Variants in ATG13 observed in about 807,000 individuals in gnomAD.
ATG13 encodes autophagy-related protein 13.
ATG13 carries 23 observed loss-of-function variants against 65.5 expected under a neutral mutation model. That is an observed-to-expected ratio of 0.35 (90% confidence interval 0.25 to 0.50). The LOEUF is 0.50. ATG13 is among the 20% of genes least tolerant of loss of function. ATG13 has a pLI of 0.98. For synonymous variants in ATG13, 252 were observed against 245.2 expected (o/e 1.03, Z -0.26); for missense variants, 566 against 677.0 (o/e 0.84, Z 1.82).
chr11:46,623,879 T>C (rs1318591927), intron 1 of ATG13, among the ~76,000 whole-genome samples: 1 of 152,156 alleles, frequency 6.6e-6, no homozygotes, highest in Admixed American at 6.6e-5. Flanking sequence ...TCCTATATAT[T>C]GTATAACTAT....
chr11:46,649,024 T>C (rs2058347448), intron 5 of ATG13, 113 bp from the exon 6 acceptor site: 2 of 820,786 alleles, frequency 2.4e-6, no homozygotes, highest in Non-Finnish European at 3.7e-6. Flanking sequence ...TATAAGTTGA[T>C]ATCTATTCTT....
intron 5 of ATG13, 130 bp from the exon 6 acceptor site, chr11:46,649,007 G>T (rs998180936): frequency 7.1e-6 from 5 of 701,390 alleles, no homozygotes. Flanking sequence ...GAAGAGGCTT[G>T]TTCGATTATA....
chr11:46,633,024 A>ATTT (rs1459397049), intron 2 of ATG13, among the ~76,000 whole-genome samples: 17 of 99,864 alleles, frequency 1.7e-4, no homozygotes, highest in African/African-American at 7.0e-4. Context: ...ATATATATAT[A>ATTT]TATTTTTTTT....
chr11:46,650,731 G>A (rs945701438), intron 7 of ATG13, among the ~76,000 whole-genome samples: 3 of 151,998 alleles, frequency 2.0e-5, no homozygotes, highest in East Asian at 1.9e-4. Flanking sequence ...TTAGCCTCCC[G>A]AGTAGATGGG....
intron 1 of ATG13, among the ~76,000 whole-genome samples, chr11:46,621,717 AG>A (rs2047558754): frequency 6.6e-6 from 1 of 152,096 alleles, no homozygotes; most frequent in Non-Finnish European, 1.5e-5. Context: ...TCTGTGATCA[AG>A]GAAAGGAGCA....
At chr11:46,641,615 GA>G (rs2056045552) in intron 2 of ATG13, among the ~76,000 whole-genome samples, 1 of 152,210 alleles carries the variant, frequency 6.6e-6, no homozygotes, top group African/African-American at 2.4e-5. Context: ...TATAGACTGA[GA>G]GGGGTGTAAT....
chr11:46,631,593 A>G (rs967399686), intron 2 of ATG13, among the ~76,000 whole-genome samples: 13 of 152,318 alleles, frequency 8.5e-5, no homozygotes, highest in Admixed American at 5.9e-4. Flanking sequence ...TCTGGGTGCC[A>G]TGGCTCACAG....
At chr11:46,645,743 G>A (rs890030012) in intron 4 of ATG13, 127 bp from the exon 5 acceptor site, 1 of 1,323,540 alleles carries the variant, frequency 7.6e-7, no homozygotes, top group Non-Finnish European at 1.0e-6. Context: ...TTATGGGGAA[G>A]GGAGAAGTGA....
chr11:46,645,947 C>G lies in ATG13; in HGVS notation c.228C>G (p.Val76=). ...KKALAGQLPA[V]GRSMCVEISL... is the part of the protein sequence containing the mutation. ...CACTGGCAGGACAGCTGCCTGCAGTCGGGAGGTCCATGTGTGTGGAGATTT... is the reference window on the plus strand; with the variant it reads ...CACTGGCAGGACAGCTGCCTGCAGTGGGGAGGTCCATGTGTGTGGAGATTT... The change falls in exon 5 of 19, where the codon GTC becomes GTG. Residue 76 remains valine, a synonymous_variant. Transcript: ENST00000683050. The G allele has an allele frequency of 6.2e-7, 1 of 1,614,128 alleles. No homozygotes were observed. Among genetic ancestry groups the G allele is most frequent in the Non-Finnish European group, 8.5e-7 (1 of 1,180,030 alleles).
rs369387259 is a variant in ATG13, at chr11:46,661,243, C to T, written c.789+1758C>T. On this transcript the variant is annotated intron_variant, in intron 11 of 18. Coordinates refer to ENST00000683050, the MANE Select transcript of ATG13 (RefSeq NM_001346311.2). ...GGATTAAAGTCATAGTTCTGCCGGG[C>T]GCAGTGGCTCACGCCTGTAATCCCA... Among the ~76,000 whole-genome samples the T allele has an allele frequency of 9.9e-5, 15 of 152,166 alleles. No individual in the cohort carries two copies. The South Asian group carries it at 1.0e-3, about 11-fold the overall frequency.
intron 5 of ATG13, 182 bp from the exon 6 acceptor site, chr11:46,648,955 C>G (rs994990733): frequency 1.6e-5 from 7 of 432,552 alleles, no homozygotes; most frequent in Middle Eastern, 6.0e-4. Flanking sequence ...AAAAACAAGT[C>G]ATCAAAATAG....
At chr11:46,652,944 T>G (rs1029733468) in intron 7 of ATG13, among the ~76,000 whole-genome samples, 1 of 152,100 alleles carries the variant, frequency 6.6e-6, no homozygotes, top group Middle Eastern at 3.4e-3. Flanking sequence ...TAAAAAAAGT[T>G]TTTTTAGGAC....
Position 46,664,850 on chromosome 11 carries a change from T to C in ATG13, c.890T>C (p.Leu297Pro). 6.2e-7 allele frequency: 1 copy of C among 1,613,394 alleles called. No homozygotes were observed. Among genetic ancestry groups the C allele is most frequent in the Non-Finnish European group, 8.5e-7 (1 of 1,179,390 alleles). ...CCTCTTTGTTTTTCTCTTGCTTAGCTCTCAAGCTCTCGCCTTTCCTATCAG... is the reference window on the plus strand; with the variant it reads ...CCTCTTTGTTTTTCTCTTGCTTAGCCCTCAAGCTCTCGCCTTTCCTATCAG... ...PMAGLAFSHQ[L>P]SSSRLSYQPA... Residue 297 changes from leucine (L) to proline (P), a missense_variant and splice_region_variant, in exon 13 of 19, where the codon CTC becomes CCC. By Grantham distance (98) the Leu-to-Pro change is moderately conservative (BLOSUM62 -3). This residue lies in a region of ATG13 where 387 missense variants were observed against 409.8 expected (regional missense o/e 0.94). Coordinates refer to ENST00000683050, the MANE Select transcript of ATG13 (RefSeq NM_001346311.2).
chr11:46,623,793 A>G (rs1428888640), intron 1 of ATG13, among the ~76,000 whole-genome samples: 3 of 152,042 alleles, frequency 2.0e-5, no homozygotes. Context: ...AAGTTGGAAG[A>G]ATATTACAGT....
At chr11:46,620,399 A>G (rs1222639725) in intron 1 of ATG13, among the ~76,000 whole-genome samples, 3 of 151,292 alleles carry the variant, frequency 2.0e-5, no homozygotes, top group Admixed American at 2.0e-4. Context: ...CAGGCCTGGC[A>G]ATCTCTCTTA....
At chr11:46,635,339 ATTG>A (rs764660764) in intron 2 of ATG13, among the ~76,000 whole-genome samples, 12 of 152,126 alleles carry the variant, frequency 7.9e-5, no homozygotes, top group Admixed American at 2.6e-4. Flanking sequence ...AGACATAATA[ATTG>A]TTGTACATAT....
At chr11:46,620,786 A>G (rs2047237900) in intron 1 of ATG13, among the ~76,000 whole-genome samples, 3 of 152,114 alleles carry the variant, frequency 2.0e-5, no homozygotes, top group Admixed American at 2.0e-4. Flanking sequence ...AAGAAAAAGA[A>G]AAACAACTCA....
chr11:46,664,165 T>G, intron 12 of ATG13, 70 bp downstream of exon 12: 1 of 1,181,340 alleles, frequency 8.5e-7, no homozygotes, highest in Non-Finnish European at 1.2e-6. Context: ...GTAAATAAAT[T>G]ATAAGGTACA....
At chr11:46,660,333 G>A (rs1000524254) in intron 11 of ATG13, among the ~76,000 whole-genome samples, 3 of 150,986 alleles carry the variant, frequency 2.0e-5, no homozygotes, top group Admixed American at 6.6e-5. Context: ...CTTATTTGGA[G>A]GACCAGACAA....
Sources: allele counts gnomAD v4.1 joint callset (sites outside exome capture counted in the v4.1 genomes callset), GRCh38; gene constraint gnomAD v4.1.1; regional missense constraint gnomAD v4.1.1; transcripts MANE v1.5; gene names NCBI Gene and HGNC (gene_info 2026-07-23, HGNC 2026-07-21).